Variants in EFCAB13 observed in about 807,000 individuals in gnomAD.
The protein encoded by EFCAB13 is EF-hand calcium binding domain 13.
EFCAB13 carries 91 observed loss-of-function variants against 110.2 expected under a neutral mutation model. The ratio of observed to expected loss-of-function variants is 0.83; its 90% CI spans 0.70 to 0.98. The LOEUF is 0.98. Among genes scored for constraint, EFCAB13 ranks in the 50% least tolerant of loss-of-function variants. The pLI is 0.00. For synonymous variants in EFCAB13, 323 were observed against 369.9 expected, an observed-to-expected ratio of 0.87 and a Z score of 1.45; for missense variants, 968 against 1,119.4, an observed-to-expected ratio of 0.86 and a Z score of 1.93.
At chr17:47,421,365 A>G (rs1904701402) in intron 23 of EFCAB13, among the ~76,000 whole-genome samples, 1 of 152,082 alleles carries the variant, frequency 6.6e-6, no homozygotes, top group Non-Finnish European at 1.5e-5. Context: ...AAACATGTGT[A>G]CTCAGGGTTA....
Position 47,403,884 on chromosome 17 carries a change from A to G in EFCAB13, c.2024A>G (p.Gln675Arg), listed in dbSNP as rs200933094. The G allele has an allele frequency of 4.2e-5, 67 of 1,599,542 alleles. No homozygotes were observed. The highest frequency in any genetic ancestry group is 5.5e-5 in the Non-Finnish European group (65 of 1,175,020). Residue 675 changes from glutamine to arginine, a missense_variant, in exon 19 of 25, where the codon CAG (glutamine) becomes CGG (arginine). Transcript: ENST00000331493. Reference sequence around the variant, plus strand: ...ACTTTTTTTCTATTTATAGAGTTACAGGAAGTTGTCTTAGCTGCTGATTTG... The same window carrying G: ...ACTTTTTTTCTATTTATAGAGTTACGGGAAGTTGTCTTAGCTGCTGATTTG... ...MRDAARLEEL[Q>R]EVVLAADLLE...
intron 23 of EFCAB13, among the ~76,000 whole-genome samples, chr17:47,420,757 C>T (rs1429172072): frequency 5.7e-4 from 87 of 152,232 alleles, no homozygotes; most frequent in African/African-American, 2.0e-3. Flanking sequence ...CCGGCAGCCA[C>T]CCCGTCTGGG....
chr17:47,384,293 C>T (rs1411265498), intron 14 of EFCAB13, among the ~76,000 whole-genome samples: 3 of 151,906 alleles, frequency 2.0e-5, no homozygotes, highest in Admixed American at 6.6e-5. Context: ...TTAATTGGGG[C>T]ATTTAGCCCC....
At chr17:47,396,007 G>C in intron 17 of EFCAB13, 30 bp downstream of exon 17, 1 of 1,556,932 alleles carries the variant, frequency 6.4e-7, no homozygotes, top group Non-Finnish European at 8.7e-7. Flanking sequence ...AAATTAAAAA[G>C]TATACCAAGA....
intron 24 of EFCAB13, among the ~76,000 whole-genome samples, chr17:47,439,066 T>G (rs1182611439): frequency 6.6e-6 from 1 of 152,114 alleles, no homozygotes; most frequent in Non-Finnish European, 1.5e-5. Flanking sequence ...GGGGACTCTC[T>G]TCTTATGGGT....
intron 23 of EFCAB13, among the ~76,000 whole-genome samples, chr17:47,417,049 ATGAT>A (rs766593918): frequency 1.4e-4 from 22 of 152,260 alleles, no homozygotes; most frequent in Admixed American, 6.5e-5. Context: ...AATAACATAA[ATGAT>A]TGATTAACAC....
In EFCAB13 at chr17:47,344,430, A is replaced by G. The variant is rs989030004; in HGVS notation, c.434+138A>G. 3 of 1,091,024 alleles carry G rather than the reference A, an allele frequency of 2.7e-6. No homozygotes were observed. In the Admixed American group the frequency reaches 7.8e-5, roughly 28 times the overall value. 67.6% of individuals were successfully genotyped at this position (1,091,024 alleles called of 1,614,324 possible). ...ATGCTGTTAGGATTGTGTAGAGATA[A>G]GAGCACTGTATATGGAATTGGAAGA... On this transcript the variant is annotated intron_variant, in intron 7 of 24. Coordinates refer to ENST00000331493, the MANE Select transcript of EFCAB13 (RefSeq NM_152347.5).
intron 24 of EFCAB13, among the ~76,000 whole-genome samples, chr17:47,433,566 T>C (rs1160712741): frequency 6.6e-6 from 1 of 152,168 alleles, no homozygotes; most frequent in East Asian, 1.9e-4. Flanking sequence ...CTCCTCTAAG[T>C]TTCTCCCACT....
At chr17:47,354,257 T>A (rs2065468440) in intron 9 of EFCAB13, among the ~76,000 whole-genome samples, 1 of 152,206 alleles carries the variant, frequency 6.6e-6, no homozygotes, top group African/African-American at 2.4e-5. Flanking sequence ...AATTTTAATT[T>A]TCTTAAATTT....
At chr17:47,423,710 C>G (rs1904812379) in intron 23 of EFCAB13, among the ~76,000 whole-genome samples, 1 of 151,694 alleles carries the variant, frequency 6.6e-6, no homozygotes, top group Non-Finnish European at 1.5e-5. Context: ...GGCGCCGGGA[C>G]CCGCGGGCGC....
rs1236796203 is a variant in EFCAB13, at chr17:47,377,759, T to C, written c.1373-7T>C. The C allele has an allele frequency of 6.4e-7, 1 of 1,559,858 alleles. No homozygotes were observed. Among genetic ancestry groups the C allele is most frequent in the Admixed American group, 2.2e-5 (1 of 45,396 alleles). On this transcript the variant is annotated splice_polypyrimidine_tract_variant and splice_region_variant and intron_variant, in intron 12 of 24. Transcript: ENST00000331493. The stretch of plus-strand genomic sequence containing the variant: ...GCCTAATAGTTCTCTACATTTTGTG[T>C]ATTTAGAAAACTTCTGTGAAGCTAT...
chr17:47,355,129 A>G (rs1598730263), intron 9 of EFCAB13, among the ~76,000 whole-genome samples: 1 of 152,158 alleles, frequency 6.6e-6, no homozygotes, highest in African/African-American at 2.4e-5. Flanking sequence ...TTTTTCCTTC[A>G]TTTATGAAGC....
At position 47,391,445 on chromosome 17, in the gene EFCAB13, G is replaced by T. The variant is rs2065706989; in HGVS notation, c.1591G>T (p.Gly531Cys). ...TACTCCTTTATTTTTAGCGTTGCCT[G>T]GTGTCATTAAAGCCATTGATAAAAT... ...RSFPECNALP[G>C]VIKAIDKIKD... Residue 531 changes from glycine (G) to cysteine (C), a missense_variant, in exon 15 of 25, where the codon GGT becomes TGT. Coordinates refer to ENST00000331493, the MANE Select transcript of EFCAB13 (RefSeq NM_152347.5). 4 of 1,563,062 alleles carry T rather than the reference G, an allele frequency of 2.6e-6. No individual in the cohort carries two copies. The highest frequency in any genetic ancestry group is 2.6e-6 in the Non-Finnish European group (3 of 1,159,978).
intron 14 of EFCAB13, among the ~76,000 whole-genome samples, chr17:47,390,910 GTCTGTCTATCTATCTA>G (rs1229067418): frequency 1.9e-5 from 2 of 106,576 alleles, no homozygotes; most frequent in Admixed American, 9.4e-5. Flanking sequence ...ATGTGTGTCT[GTCTGTCTATCTATCTA>G]TCTGTCTATC....
Position 47,379,208 on chromosome 17 carries a change from T to G in EFCAB13, c.1537T>G (p.Phe513Val). Residue 513 changes from phenylalanine to valine, a missense_variant, in exon 14 of 25, where the codon TTT becomes GTT. By Grantham distance (50) the Phe-to-Val change is conservative. Transcript: ENST00000331493. ...NENGMVELDD[F>V]VNALAKERSF... ...GAATGGAATGGTGGAGTTAGATGAC[T>G]TTGTAAATGCTCTCGCCAAGGAGCG... The G allele has an allele frequency of 1.2e-6, 2 of 1,613,528 alleles. No homozygotes were observed. The highest frequency in any genetic ancestry group is 1.7e-6 in the Non-Finnish European group (2 of 1,179,608).
Position 47,402,115 on chromosome 17 carries a change from AGT to A in EFCAB13, c.1946-14_1946-13del, listed in dbSNP as rs756520902. The stretch of plus-strand genomic sequence containing the variant: ...TGCGTAATGAGGTTGGTCTATTAAA[AGT>A]GTTTTTTCTCACAGAAGGTGACAAA... On this transcript the variant is annotated splice_polypyrimidine_tract_variant and intron_variant, in intron 17 of 24. Coordinates refer to ENST00000331493, the MANE Select transcript of EFCAB13 (RefSeq NM_152347.5). 44 of 1,612,614 alleles carry A rather than the reference AGT, an allele frequency of 2.7e-5. No homozygotes were observed. The highest frequency in any genetic ancestry group is 3.7e-5 in the Non-Finnish European group (44 of 1,178,712).
intron 3 of EFCAB13, among the ~76,000 whole-genome samples, chr17:47,327,140 C>T (rs2065290494): frequency 6.6e-6 from 1 of 151,830 alleles, no homozygotes; most frequent in Non-Finnish European, 1.5e-5. Context: ...GAGGCTACAC[C>T]ATCTTTTCTT....
chr17:47,420,512 T>TC (rs1161517519), intron 23 of EFCAB13, among the ~76,000 whole-genome samples: 1 of 138,260 alleles, frequency 7.2e-6, no homozygotes, highest in Non-Finnish European at 1.6e-5. Context: ...GAGCGCCTCT[T>TC]CCCGGCCGCC....
intron 9 of EFCAB13, among the ~76,000 whole-genome samples, chr17:47,354,934 G>T (rs994973394): frequency 6.6e-6 from 1 of 152,088 alleles, no homozygotes; most frequent in East Asian, 1.9e-4. Flanking sequence ...AGAATATCTT[G>T]TGTTTTTTTC....
Sources: gnomAD v4.1 joint callset for allele counts (sites outside exome capture counted in the v4.1 genomes callset) on GRCh38, gnomAD v4.1.1 for gene constraint, MANE v1.5 for transcripts, NCBI Gene and HGNC (gene_info 2026-07-23, HGNC 2026-07-21) for gene names.